The following NEK4 variants were observed in gnomAD, a reference collection of about 807,000 sequenced individuals.
The protein encoded by NEK4 is NIMA related kinase 4.
In NEK4, 86 loss-of-function variants were observed where a neutral mutation model predicts 98.4. The observed-to-expected ratio is 0.87, with a 90% CI of 0.73 to 1.05. The LOEUF (loss-of-function observed/expected upper bound fraction) is 1.05, where lower values mean the gene tolerates loss of function less well. NEK4 is among the 50% of genes least tolerant of loss of function. The probability of loss-of-function intolerance (pLI) is 0.00; values close to 1 mark genes in which losing one functional copy is unlikely to be tolerated. For synonymous variants in NEK4, 328 were observed against 342.2 expected, an observed-to-expected ratio of 0.96 and a Z score of 0.46; for missense variants, 898 against 950.3, an observed-to-expected ratio of 0.94 and a Z score of 0.72.
At chr3:52,744,343 T>C (rs2097392056) in intron 10 of NEK4, 38 bp from the exon 11 acceptor site, 1 of 1,486,818 alleles carries the variant, frequency 6.7e-7, no homozygotes, top group Non-Finnish European at 9.4e-7. Context: ...CCATTCCTAC[T>C]TGCTATTTTT....
At position 52,711,815 on chromosome 3, in the gene NEK4, G is replaced by T; in HGVS notation, c.2488C>A (p.Arg830Ser). ...TTTTCTTCAAAAAATTTCAACTGGCGAGCTTTCACACTGTAAGTTGTATAC... is the reference window on the plus strand; with the variant it reads ...TTTTCTTCAAAAAATTTCAACTGGCTAGCTTTCACACTGTAAGTTGTATAC... ...EKYTTYSVKA[R>S]QLKFFEENMN... Residue 830 changes from arginine (R) to serine (S), a missense_variant, in exon 16 of 16, where the codon CGC becomes AGC. Transcript: ENST00000233027. 6.2e-7 allele frequency: 1 copy of T among 1,610,568 alleles called. No individual in the cohort carries two copies. Among genetic ancestry groups the T allele is most frequent in the Non-Finnish European group, 8.5e-7 (1 of 1,177,964 alleles).
chr3:52,768,265 A>G (rs1424117992), intron 2 of NEK4, 73 bp downstream of exon 2: 7 of 1,439,152 alleles, frequency 4.9e-6, no homozygotes, highest in Middle Eastern at 1.8e-4. Context: ...CTGAAGAAAA[A>G]TTTTCCTAAA....
chr3:52,766,288 G>C lies in NEK4; in HGVS notation c.448C>G (p.Leu150Val). The change falls in exon 3 of 16, where the codon CTA (leucine) becomes GTA (valine). Residue 150 changes from leucine to valine, a missense_variant. Leu to Val is a conservative substitution (Grantham distance 32). Coordinates refer to ENST00000233027, the MANE Select transcript of NEK4 (RefSeq NM_003157.6). ...TTCTCTAACACTCGGGCAATTCCTA[G>C]GTCCCCTACTTTGATGATGTTTGTT... Reference protein sequence around the residue: ...TRTNIIKVGDLGIARVLENHC... With the variant: ...TRTNIIKVGDVGIARVLENHC... 6.2e-7 allele frequency: 1 copy of C among 1,613,936 alleles called. No individual in the cohort carries two copies. Among genetic ancestry groups the C allele is most frequent in the Non-Finnish European group, 8.5e-7 (1 of 1,179,876 alleles).
Position 52,711,659 on chromosome 3 carries a change from T to C in NEK4, c.*118A>G, listed in dbSNP as rs2097350503. On this transcript the variant is annotated 3_prime_UTR_variant, in exon 16 of 16. Transcript: ENST00000233027. Reference sequence around the variant, plus strand: ...TCTGTAGGGAAACGCCAAAGAGATATAAAAAAGAGATATAAAACAGTGGTG... The same window carrying C: ...TCTGTAGGGAAACGCCAAAGAGATACAAAAAAGAGATATAAAACAGTGGTG... 1 of 655,788 alleles carries C rather than the reference T, an allele frequency of 1.5e-6. No individual in the cohort carries two copies. The highest frequency in any genetic ancestry group is 2.0e-5 in the South Asian group (1 of 50,102). The allele number at this position is 655,788 out of a possible 1,614,324, so 40.6% of individuals were successfully genotyped here. A position where few individuals can be genotyped will look rare whatever the true frequency, so the allele number is the denominator to read the frequency against.
rs534441639 is a variant in NEK4, at chr3:52,719,340, C to G, written c.2434-7471G>C. On this transcript the variant is annotated intron_variant, in intron 15 of 15. Coordinates refer to ENST00000233027, the MANE Select transcript of NEK4 (RefSeq NM_003157.6). ...CGATTACAAAGCTGGGAGGAGGCCTCTTGGGGTCAGAAAAAAATCTCAGAT... is the reference window on the plus strand; with the variant it reads ...CGATTACAAAGCTGGGAGGAGGCCTGTTGGGGTCAGAAAAAAATCTCAGAT... 5.3e-5 allele frequency among the ~76,000 whole-genome samples: 8 copies of G among 152,044 alleles called. No individual in the cohort carries two copies. The South Asian group carries it at 1.5e-3, about 28-fold the overall frequency.
intron 15 of NEK4, among the ~76,000 whole-genome samples, chr3:52,728,643 C>G (rs570002748): frequency 4.6e-5 from 7 of 152,204 alleles, no homozygotes; most frequent in African/African-American, 1.7e-4. Context: ...TTTCAGGGAA[C>G]AAGGGAAGAC....
chr3:52,721,799 T>C (rs777028821), intron 15 of NEK4, among the ~76,000 whole-genome samples: 15 of 151,242 alleles, frequency 9.9e-5, no homozygotes, highest in African/African-American at 2.2e-4. Context: ...TGCATGTACA[T>C]GCCCAGGGGA....
chr3:52,769,687 G>A (rs1698707461), intron 1 of NEK4, among the ~76,000 whole-genome samples: 1 of 152,212 alleles, frequency 6.6e-6, no homozygotes, highest in Non-Finnish European at 1.5e-5. Context: ...TATTTAGGGG[G>A]AACATCTCTT....
intron 12 of NEK4, among the ~76,000 whole-genome samples, chr3:52,743,024 A>C (rs1054831748): frequency 6.6e-6 from 1 of 152,104 alleles, no homozygotes; most frequent in East Asian, 1.9e-4. Flanking sequence ...GGCTAAAGCA[A>C]TCTTCTCACC....
chr3:52,744,979 T>G (rs61197434), intron 10 of NEK4, among the ~76,000 whole-genome samples: 5 of 151,740 alleles, frequency 3.3e-5, no homozygotes, highest in Admixed American at 2.6e-4. Flanking sequence ...GCAGTGGCCC[T>G]ATCTCAGCTC....
At chr3:52,751,334 T>C (rs890505127) in intron 7 of NEK4, among the ~76,000 whole-genome samples, 7 of 151,888 alleles carry the variant, frequency 4.6e-5, no homozygotes, top group South Asian at 2.1e-4. Context: ...TGGGTGCTTG[T>C]AGTCCCAGCT....
intron 6 of NEK4, among the ~76,000 whole-genome samples, chr3:52,755,520 C>T (rs1344259209): frequency 6.6e-6 from 1 of 150,656 alleles, no homozygotes; most frequent in East Asian, 1.9e-4. Flanking sequence ...CAACAAACTA[C>T]GAATAGAAAA....
In NEK4 at chr3:52,752,226, T is replaced by G. The variant is rs2097406463; in HGVS notation, c.1074A>C (p.Glu358Asp). The G allele has an allele frequency of 6.2e-7, 1 of 1,614,084 alleles. No homozygotes were observed. The highest frequency in any genetic ancestry group is 2.2e-5 in the East Asian group (1 of 44,898). Residue 358 changes from glutamate (E) to aspartate (D), a missense_variant, in exon 7 of 16, where the codon GAA becomes GAC. Coordinates refer to ENST00000233027, the MANE Select transcript of NEK4 (RefSeq NM_003157.6). Reference sequence around the variant, plus strand: ...TATTTACGCTACTGATTGTGGCTAGTTCTGTGGTATTGCTCAAGTCCTGTT... The same window carrying G: ...TATTTACGCTACTGATTGTGGCTAGGTCTGTGGTATTGCTCAAGTCCTGTT... The part of the protein sequence containing the change: ...TCKQDLSNTT[E>D]LATISSVNID...
At chr3:52,766,988 G>A (rs566854635) in intron 2 of NEK4, among the ~76,000 whole-genome samples, 8 of 149,076 alleles carry the variant, frequency 5.4e-5, no homozygotes, top group East Asian at 2.0e-4. Context: ...GCGAGACTCC[G>A]TCTCAAAAAA....
intron 15 of NEK4, among the ~76,000 whole-genome samples, chr3:52,731,966 T>C (rs779862933): frequency 1.3e-5 from 2 of 152,224 alleles, no homozygotes; most frequent in Non-Finnish European, 2.9e-5. Context: ...GCAGTCCCCC[T>C]GCACACACTC....
intron 15 of NEK4, among the ~76,000 whole-genome samples, chr3:52,731,307 T>C (rs964425778): frequency 2.0e-5 from 3 of 152,200 alleles, no homozygotes; most frequent in African/African-American, 7.2e-5. Flanking sequence ...TTTGTGGAAA[T>C]TGACAAACAA....
intron 13 of NEK4, among the ~76,000 whole-genome samples, chr3:52,739,901 A>G (rs2336544): frequency 1 from 151,836 of 152,320 alleles, 75,677 homozygotes; most frequent in Middle Eastern, 1. Flanking sequence ...AGCAGGCCAT[A>G]GGCAGATCAA....
intron 5 of NEK4, among the ~76,000 whole-genome samples, chr3:52,762,784 G>A (rs1698404869): frequency 6.6e-6 from 1 of 152,124 alleles, no homozygotes; most frequent in African/African-American, 2.4e-5. Context: ...GGGAGGCTGA[G>A]GCAGGAGAAT....
At chr3:52,745,538 C>T (rs1406518010) in intron 10 of NEK4, among the ~76,000 whole-genome samples, 1 of 151,214 alleles carries the variant, frequency 6.6e-6, no homozygotes, top group African/African-American at 2.4e-5. Context: ...AAGATTGTGC[C>T]ACTGCACTCC....
Sources: gnomAD v4.1 joint callset for allele counts (sites outside exome capture counted in the v4.1 genomes callset) on GRCh38, gnomAD v4.1.1 for gene constraint, MANE v1.5 for transcripts, NCBI Gene and HGNC (gene_info 2026-07-23, HGNC 2026-07-21) for gene names.